The following PHC2 variants were observed in gnomAD, a reference collection of about 807,000 sequenced individuals.
PHC2 encodes the protein polyhomeotic homolog 2, also known as polyhomeotic-like protein 2.
PHC2 carries 29 observed loss-of-function variants against 87.4 expected under a neutral mutation model. The ratio of observed to expected loss-of-function variants is 0.33; its 90% CI spans 0.25 to 0.45. PHC2 has a LOEUF of 0.45. PHC2 is among the 20% of genes least tolerant of loss of function. The pLI, the probability that PHC2 is intolerant of heterozygous loss-of-function variation, is 1.00. For synonymous variants in PHC2, 438 were observed against 461.7 expected, an observed-to-expected ratio of 0.95 and a Z score of 0.66; for missense variants, 857 against 1,136.7, an observed-to-expected ratio of 0.75 and a Z score of 3.54.
rs1425309668 is a variant in PHC2, at chr1:33,368,406, C to T, written c.663+130G>A. On this transcript the variant is annotated intron_variant, in intron 6 of 14. Transcript: ENST00000683057. The surrounding 1 kb of genome is among the most constrained non-coding windows in gnomAD (Gnocchi z 6.6). ...CAGGGTAGACGCGCAGGCCTGGGGG[C>T]ATTGGGGTGTCCTGTCTCCCGCCTG... The T allele has an allele frequency of 7.5e-5, 46 of 611,950 alleles. 1 individual carries two copies. The highest frequency in any genetic ancestry group is 1.0e-4 in the Non-Finnish European group (36 of 346,936). The allele number at this position is 611,950 out of a possible 1,614,324, so 37.9% of individuals were successfully genotyped here. A position where few individuals can be genotyped will look rare whatever the true frequency, so the allele number is the denominator to read the frequency against.
intron 1 of PHC2, among the ~76,000 whole-genome samples, chr1:33,400,166 A>T (rs2148374651): frequency 6.6e-6 from 1 of 152,240 alleles, no homozygotes; most frequent in East Asian, 1.9e-4. Flanking sequence ...AAGGTGAGTA[A>T]TATACTTCTT....
Position 33,355,284 on chromosome 1 carries a change from T to C in PHC2, c.977-31A>G. The stretch of plus-strand genomic sequence containing the variant: ...AGGGGAAAGGCCAGGTTAGAGAGCA[T>C]GGCTTGACCTTCTCTTCTGCTGTGT... On this transcript the variant is annotated intron_variant, in intron 7 of 14. Coordinates refer to ENST00000683057, the MANE Select transcript of PHC2 (RefSeq NM_001385109.1). The C allele has an allele frequency of 2.6e-6, 4 of 1,515,146 alleles. No homozygotes were observed. The South Asian group carries it at 5.2e-5, about 20-fold the overall frequency. The allele number at this position is 1,515,146 out of a possible 1,614,324, so 93.9% of individuals were successfully genotyped here. A position where few individuals can be genotyped will look rare whatever the true frequency, so the allele number is the denominator to read the frequency against.
At chr1:33,371,605 T>C (rs1337498005) in intron 3 of PHC2, among the ~76,000 whole-genome samples, 1 of 152,234 alleles carries the variant, frequency 6.6e-6, no homozygotes, top group Non-Finnish European at 1.5e-5. Flanking sequence ...CTTCTCCCCA[T>C]GGCCGGCTTC....
intron 1 of PHC2, among the ~76,000 whole-genome samples, chr1:33,396,904 A>G (rs1336853565): frequency 1.3e-5 from 2 of 152,222 alleles, no homozygotes; most frequent in African/African-American, 2.4e-5. Context: ...GCCCCTTGGT[A>G]CAGCACTTCC....
At chr1:33,384,319 C>G (rs559836539) in intron 1 of PHC2, among the ~76,000 whole-genome samples, 1 of 152,274 alleles carries the variant, frequency 6.6e-6, no homozygotes, top group Non-Finnish European at 1.5e-5. Context: ...AGCCACTGCT[C>G]TAAGGGGCCC....
intron 1 of PHC2, among the ~76,000 whole-genome samples, chr1:33,412,666 C>A (rs536914949): frequency 1.3e-5 from 2 of 152,306 alleles, no homozygotes; most frequent in South Asian, 4.1e-4. Flanking sequence ...TATCTAGCCC[C>A]TACCCTAATA....
chr1:33,365,388 G>T lies in PHC2; in HGVS notation c.976+1728C>A, dbSNP rs552186583. On this transcript the variant is annotated intron_variant, in intron 7 of 14. Transcript: ENST00000683057. ...CTAGTCTTTCTTTTGAACAGTGTTA[G>T]AACTTGGGGGGCTGGCTTAGATTTA... Among the ~76,000 whole-genome samples the T allele has an allele frequency of 2.6e-5, 4 of 152,286 alleles. No individual in the cohort carries two copies. In the South Asian group the frequency reaches 6.2e-4, roughly 24 times the overall value.
chr1:33,395,637 T>G (rs1257685555), intron 1 of PHC2, among the ~76,000 whole-genome samples: 1 of 152,178 alleles, frequency 6.6e-6, no homozygotes, highest in African/African-American at 2.4e-5. Flanking sequence ...GGTAAAATGT[T>G]AATTGTAGAA....
intron 9 of PHC2, chr1:33,346,961 T>C: frequency 1.0e-6 from 1 of 985,410 alleles, no homozygotes; most frequent in Non-Finnish European, 1.2e-6. Flanking sequence ...TGTAAGAGCA[T>C]ACAAGGCCAG....
rs34468965 is a variant in PHC2 at position 33,364,390 on chromosome 1, T to TCACACACA, written c.976+2718_976+2725dup. On this transcript the variant is annotated intron_variant, in intron 7 of 14. Transcript: ENST00000683057. This position sits in a 1 kb window ranked among gnomAD's most constrained non-coding sequence, Gnocchi z 4.1. ...CACACACACACACACACACTTGCTT[T>TCACACACA]CACACACACACACACACACACACAC... is the stretch of plus-strand genomic sequence containing the variant. Among the ~76,000 whole-genome samples the TCACACACA allele has an allele frequency of 1.9e-5, 2 of 106,694 alleles. No individual in the cohort carries two copies. The highest frequency in any genetic ancestry group is 9.7e-5 in the African/African-American group (2 of 20,708). The allele number at this position is 106,694 out of a possible 152,430, so 70.0% of individuals were successfully genotyped here.
chr1:33,428,763 ATGAAG>A (rs1650783823), intron 1 of PHC2, among the ~76,000 whole-genome samples: 1 of 152,242 alleles, frequency 6.6e-6, no homozygotes, highest in Non-Finnish European at 1.5e-5. Context: ...GGAAACTGGG[ATGAAG>A]AGAAGAGGAT....
intron 13 of PHC2, among the ~76,000 whole-genome samples, 183 bp from the exon 14 acceptor site, chr1:33,329,329 T>C (rs1204821024): frequency 6.6e-5 from 10 of 152,212 alleles, no homozygotes; most frequent in Admixed American, 5.9e-4. Context: ...CCTCTTAGTA[T>C]TGTAGTGTCT....
intron 6 of PHC2, 46 bp from the exon 7 acceptor site, chr1:33,367,474 A>C (rs778693054): frequency 2.1e-6 from 3 of 1,409,994 alleles, no homozygotes; most frequent in Non-Finnish European, 2.9e-6. Flanking sequence ...TGGCAGGAGC[A>C]ATGCCAGTAT....
intron 7 of PHC2, among the ~76,000 whole-genome samples, chr1:33,365,656 C>T (rs1557835193): frequency 6.6e-6 from 1 of 152,210 alleles, no homozygotes; most frequent in South Asian, 2.1e-4. Context: ...CCATGCCAGA[C>T]AGTGAGAAAC....
At chr1:33,333,512 C>T (rs1236198660) in intron 10 of PHC2, 2 of 158,220 alleles carry the variant, frequency 1.3e-5, no homozygotes, top group Non-Finnish European at 2.8e-5. Flanking sequence ...CTTCGTGGCT[C>T]GTGGATATTT....
chr1:33,372,493 C>T (rs767750697), intron 2 of PHC2, 46 bp from the exon 3 acceptor site: 8 of 1,460,624 alleles, frequency 5.5e-6, no homozygotes, highest in Non-Finnish European at 7.3e-6. Flanking sequence ...AGCTGCCACA[C>T]AGAACACCCC....
intron 1 of PHC2, among the ~76,000 whole-genome samples, chr1:33,426,545 A>G (rs1650679329): frequency 6.6e-6 from 1 of 152,212 alleles, no homozygotes; most frequent in African/African-American, 2.4e-5. Flanking sequence ...TAGCATCAGG[A>G]CTATAACTCT....
At chr1:33,346,906 C>G (rs1399821557) in intron 9 of PHC2, 1 of 985,272 alleles carries the variant, frequency 1.0e-6, no homozygotes, top group Non-Finnish European at 1.2e-6. Context: ...TAATCATGTT[C>G]TGTGTTTTTC....
chr1:33,356,909 C>T (rs959145754), intron 7 of PHC2, among the ~76,000 whole-genome samples: 8 of 152,152 alleles, frequency 5.3e-5, no homozygotes, highest in African/African-American at 9.7e-5. Context: ...GGGCGGCGGC[C>T]GGGCGGGGGC....
Sources: allele counts gnomAD v4.1 joint callset (sites outside exome capture counted in the v4.1 genomes callset), GRCh38; gene constraint gnomAD v4.1.1; non-coding constraint Gnocchi (gnomAD v3.1); transcripts MANE v1.5; gene names NCBI Gene and HGNC (gene_info 2026-07-23, HGNC 2026-07-21).